The following PAK5 variants were observed in gnomAD, a reference collection of about 807,000 sequenced individuals.
The protein encoded by PAK5 is p21 (RAC1) activated kinase 5, also known as serine/threonine-protein kinase PAK 5.
PAK5 carries 16 observed loss-of-function variants against 65.9 expected under a neutral mutation model. The ratio of observed to expected loss-of-function variants is 0.24; its 90% confidence interval spans 0.16 to 0.37. The LOEUF (loss-of-function observed/expected upper bound fraction) is 0.37. Among genes scored for constraint, PAK5 ranks in the 10% least tolerant of loss-of-function variants. The pLI, the probability that PAK5 is intolerant of heterozygous loss-of-function variation, is 1.00. For missense variants in PAK5, 785 were observed against 903.9 expected, an observed-to-expected ratio of 0.87 and a Z score of 1.69; for synonymous variants, 371 against 354.9, an observed-to-expected ratio of 1.05 and a Z score of -0.51.
At chr20:9,785,322 C>T (rs938563842) in intron 1 of PAK5, among the ~76,000 whole-genome samples, 4 of 152,186 alleles carry the variant, frequency 2.6e-5, no homozygotes, top group African/African-American at 9.6e-5. Context: ...TCATTTATGA[C>T]GTGTATGATT....
chr20:9,580,220 T>A lies in PAK5; in HGVS notation c.915A>T (p.Lys305Asn). 6.2e-7 allele frequency: 1 copy of A among 1,614,040 alleles called. No individual in the cohort carries two copies. Among genetic ancestry groups the A allele is most frequent in the Non-Finnish European group, 8.5e-7 (1 of 1,179,996 alleles). Residue 305 changes from lysine to asparagine, a missense_variant, in exon 4 of 10, where the codon AAA (lysine) becomes AAT (asparagine). By Grantham distance (94) the Lys-to-Asn change is moderately conservative. Coordinates refer to ENST00000353224, the MANE Select transcript of PAK5 (RefSeq NM_177990.4). ...PMMPFGASAF[K>N]THPQGHSYNS... ...TGTAGGAGTGTCCTTGGGGATGGGT[T>A]TTAAATGCACTTGCTCCAAATGGCA...
At chr20:9,592,881 T>A (rs947289264) in intron 3 of PAK5, among the ~76,000 whole-genome samples, 2 of 152,064 alleles carry the variant, frequency 1.3e-5, no homozygotes, top group South Asian at 4.1e-4. Context: ...TGGCTGTGGG[T>A]GGGTGGCTGG....
chr20:9,553,602 T>G (rs1009475387), intron 7 of PAK5, among the ~76,000 whole-genome samples: 2 of 151,966 alleles, frequency 1.3e-5, no homozygotes, highest in African/African-American at 4.8e-5. Flanking sequence ...AATCATATAG[T>G]GTGTATCCTT....
At chr20:9,754,154 G>A (rs1012594544) in intron 1 of PAK5, among the ~76,000 whole-genome samples, 3 of 152,168 alleles carry the variant, frequency 2.0e-5, no homozygotes, top group Non-Finnish European at 4.4e-5. Context: ...GGTAACCACT[G>A]AAAATTAGGA....
chr20:9,602,291 AAAATAAATAAATAAATAAATAAAT>A (rs200878141), intron 3 of PAK5, among the ~76,000 whole-genome samples: 2 of 141,880 alleles, frequency 1.4e-5, no homozygotes, highest in African/African-American at 5.2e-5. Flanking sequence ...CTCTGTCTCA[AAAATAAATAAATAAATAAATAAAT>A]AAATAAATAA....
In PAK5 at chr20:9,538,071, G is replaced by T. The variant is rs947633422; in HGVS notation, c.*1391C>A. 3.4e-5 allele frequency: 8 copies of T among 232,922 alleles called. No homozygotes were observed. Among genetic ancestry groups the T allele is most frequent in the African/African-American group, 1.5e-4 (7 of 45,294 alleles). The allele number at this position is 232,922 out of a possible 1,614,324, so 14.4% of individuals were successfully genotyped here. A position where few individuals can be genotyped will look rare whatever the true frequency, so the allele number is the denominator to read the frequency against. On this transcript the variant is annotated 3_prime_UTR_variant, in exon 10 of 10. Transcript: ENST00000353224. Reference sequence around the variant, plus strand: ...TGATGCATAATTAATAGAAACTAATGATGACTATGTAGCTCTTCCAGAGTT... The same window carrying T: ...TGATGCATAATTAATAGAAACTAATTATGACTATGTAGCTCTTCCAGAGTT...
At chr20:9,595,967 C>A (rs1293400884) in intron 3 of PAK5, among the ~76,000 whole-genome samples, 1 of 152,150 alleles carries the variant, frequency 6.6e-6, no homozygotes, top group African/African-American at 2.4e-5. Context: ...AGTCTACTTG[C>A]ATTCCCTTCT....
At chr20:9,749,506 G>T (rs1244335677) in intron 1 of PAK5, among the ~76,000 whole-genome samples, 1 of 152,072 alleles carries the variant, frequency 6.6e-6, no homozygotes, top group African/African-American at 2.4e-5. Flanking sequence ...CACCTGTCCA[G>T]GGCTCACTCA....
intron 1 of PAK5, among the ~76,000 whole-genome samples, chr20:9,720,803 G>C (rs1171575985): frequency 6.6e-6 from 1 of 152,176 alleles, no homozygotes. Flanking sequence ...ATACATGCTA[G>C]TGTGGATGAA....
At chr20:9,765,949 C>T (rs367842346) in intron 1 of PAK5, among the ~76,000 whole-genome samples, 4 of 152,096 alleles carry the variant, frequency 2.6e-5, no homozygotes, top group African/African-American at 7.2e-5. Context: ...ATGGGCTGGG[C>T]GTGGTGGCTC....
chr20:9,571,412 G>T (rs950511831), intron 4 of PAK5, among the ~76,000 whole-genome samples: 3 of 152,196 alleles, frequency 2.0e-5, no homozygotes, highest in Admixed American at 6.5e-5. Flanking sequence ...TAAAATAGAG[G>T]CACAAGGAGA....
chr20:9,575,748 G>C (rs757864195), intron 4 of PAK5: 1 of 152,150 alleles, frequency 6.6e-6, no homozygotes, highest in Non-Finnish European at 1.5e-5. Flanking sequence ...GCAAGGTGAG[G>C]CTACCTCTAG....
chr20:9,612,528 G>A (rs11908624), intron 3 of PAK5, among the ~76,000 whole-genome samples: 11,403 of 152,052 alleles, frequency 0.075, 837 homozygotes, highest in African/African-American at 0.18. Context: ...GAGAGAGAGT[G>A]GGGAGGGGCC....
At chr20:9,722,641 A>T (rs946930931) in intron 1 of PAK5, among the ~76,000 whole-genome samples, 1 of 152,116 alleles carries the variant, frequency 6.6e-6, no homozygotes, top group African/African-American at 2.4e-5. Context: ...ATTAATTTTT[A>T]AAAAGGCAAG....
intron 1 of PAK5, among the ~76,000 whole-genome samples, chr20:9,715,349 C>T (rs1271067384): frequency 2.6e-5 from 4 of 152,012 alleles, no homozygotes; most frequent in Non-Finnish European, 5.9e-5. Context: ...CAATGAGATA[C>T]CTTCTCACAC....
chr20:9,758,597 C>A (rs1271286124), intron 1 of PAK5, among the ~76,000 whole-genome samples: 1 of 152,120 alleles, frequency 6.6e-6, no homozygotes, highest in African/African-American at 2.4e-5. Context: ...ACTACCATGA[C>A]TTTGTGACAT....
chr20:9,570,744 AT>A (rs1303124018), intron 4 of PAK5, among the ~76,000 whole-genome samples: 1 of 152,206 alleles, frequency 6.6e-6, no homozygotes, highest in Non-Finnish European at 1.5e-5. Context: ...TTTCAACGAA[AT>A]TGAATTCATT....
At chr20:9,594,061 C>T (rs1226249083) in intron 3 of PAK5, among the ~76,000 whole-genome samples, 1 of 152,186 alleles carries the variant, frequency 6.6e-6, no homozygotes, top group Non-Finnish European at 1.5e-5. Context: ...AGGGTCTCTT[C>T]CCAGACCAAT....
chr20:9,603,484 C>A (rs192681544), intron 3 of PAK5, among the ~76,000 whole-genome samples: 218 of 152,296 alleles, frequency 1.4e-3, no homozygotes, highest in African/African-American at 4.8e-3. Context: ...AAGGTTTCTG[C>A]CTCTCCCTGG....
Sources: gnomAD v4.1 joint callset for allele counts (sites outside exome capture counted in the v4.1 genomes callset) on GRCh38, gnomAD v4.1.1 for gene constraint, MANE v1.5 for transcripts, NCBI Gene and HGNC (gene_info 2026-07-23, HGNC 2026-07-21) for gene names.